ABL1: variants seen among roughly 807,000 people sequenced by gnomAD.
ABL1 encodes the protein tyrosine-protein kinase ABL1.
In ABL1, 11 loss-of-function variants were observed where a neutral mutation model predicts 94.7. The observed-to-expected ratio is 0.12, with a 90% CI of 0.07 to 0.19. The LOEUF is 0.19. ABL1 is among the 10% of genes least tolerant of loss of function. The pLI is 1.00. For synonymous variants in ABL1, 656 were observed against 622.4 expected, an observed-to-expected ratio of 1.05 and a Z score of -0.80; for missense variants, 1,082 against 1,489.4, an observed-to-expected ratio of 0.73 and a Z score of 4.50.
chr9:130,748,445 C>G (rs1361285372), intron 1 of ABL1, among the ~76,000 whole-genome samples: 1 of 151,914 alleles, frequency 6.6e-6, no homozygotes, highest in Admixed American at 6.6e-5. Flanking sequence ...CAGAGTCTCC[C>G]TCTGTCACCC....
intron 7 of ABL1, among the ~76,000 whole-genome samples, chr9:130,876,411 C>CTTTTTTTTTTTTTTT (rs60634610): frequency 7.0e-6 from 1 of 142,496 alleles, no homozygotes; most frequent in African/African-American, 2.6e-5. Context: ...ATTACTTTTT[C>CTTTTTTTTTTTTTTT]TTTTTTTTTT....
At chr9:130,719,165 G>T (rs1332256286) in intron 1 of ABL1, among the ~76,000 whole-genome samples, 1 of 152,046 alleles carries the variant, frequency 6.6e-6, no homozygotes, top group East Asian at 1.9e-4. Flanking sequence ...TCTCTTTTTG[G>T]TTTGTGTGAT....
intron 1 of ABL1, among the ~76,000 whole-genome samples, chr9:130,775,081 T>C (rs1195640506): frequency 6.6e-6 from 1 of 152,234 alleles, no homozygotes; most frequent in Non-Finnish European, 1.5e-5. Context: ...GACATTATTT[T>C]AGAGAGATAC....
intron 1 of ABL1, among the ~76,000 whole-genome samples, chr9:130,823,497 C>T (rs1318491084): frequency 2.0e-5 from 3 of 152,170 alleles, no homozygotes; most frequent in Non-Finnish European, 4.4e-5. Flanking sequence ...AACAGGCTGA[C>T]AGTCGCGGTC....
intron 1 of ABL1, among the ~76,000 whole-genome samples, chr9:130,766,827 G>T (rs1366959807): frequency 6.6e-5 from 10 of 152,146 alleles, no homozygotes; most frequent in Non-Finnish European, 1.3e-4. Flanking sequence ...TGCCATCTGG[G>T]TCTGTCCTCC....
chr9:130,776,216 A>G (rs1159248296), intron 1 of ABL1, among the ~76,000 whole-genome samples: 1 of 152,254 alleles, frequency 6.6e-6, no homozygotes, highest in Non-Finnish European at 1.5e-5. Flanking sequence ...GCCTTGGGAT[A>G]ACAGAGCTAA....
At chr9:130,738,838 A>G (rs1831778116) in intron 1 of ABL1, among the ~76,000 whole-genome samples, 1 of 152,246 alleles carries the variant, frequency 6.6e-6, no homozygotes, top group Non-Finnish European at 1.5e-5. Context: ...TTTAGAGGAT[A>G]TAAGGAGAAA....
At chr9:130,713,810 A>G (rs1831402146) in exon 1 of ABL1, 1 of 215,784 alleles carries the variant, frequency 4.6e-6, no homozygotes, top group Non-Finnish European at 9.3e-6. Context: ...TCCGGAGAGC[A>G]AAGCAGAGAA....
intron 1 of ABL1, among the ~76,000 whole-genome samples, chr9:130,775,001 C>T (rs887620915): frequency 2.6e-5 from 4 of 152,172 alleles, no homozygotes; most frequent in African/African-American, 9.7e-5. Context: ...AACTTTTATT[C>T]TAAGCATGCC....
intron 1 of ABL1, among the ~76,000 whole-genome samples, chr9:130,853,694 C>T (rs1224336416): frequency 1.3e-5 from 2 of 151,868 alleles, no homozygotes; most frequent in African/African-American, 2.4e-5. Flanking sequence ...GGATTACGGG[C>T]GTGAGCCACC....
At chr9:130,836,105 A>AC (rs545104219) in intron 1 of ABL1, among the ~76,000 whole-genome samples, 1 of 151,510 alleles carries the variant, frequency 6.6e-6, no homozygotes, top group Non-Finnish European at 1.5e-5. Context: ...CATCTCCCCC[A>AC]CCCCCATCTT....
At chr9:130,732,472 C>T (rs1223761815) in intron 1 of ABL1, among the ~76,000 whole-genome samples, 3 of 152,138 alleles carry the variant, frequency 2.0e-5, no homozygotes, top group African/African-American at 7.2e-5. Flanking sequence ...GCTTGCTTTT[C>T]ATCTTTTTTA....
chr9:130,883,924 C>T, intron 10 of ABL1, 45 bp from the exon 11 acceptor site: 5 of 1,564,476 alleles, frequency 3.2e-6, no homozygotes, highest in Non-Finnish European at 4.3e-6. Flanking sequence ...CTCTGTCAGC[C>T]TCTAGAGTTG....
intron 1 of ABL1, among the ~76,000 whole-genome samples, chr9:130,782,450 T>C (rs150170430): frequency 6.6e-6 from 1 of 152,210 alleles, no homozygotes; most frequent in Non-Finnish European, 1.5e-5. Context: ...CTGACCCAAG[T>C]TTGAAGAGAC....
intron 1 of ABL1, among the ~76,000 whole-genome samples, chr9:130,844,225 A>G (rs1830722604): frequency 6.6e-6 from 1 of 152,128 alleles, no homozygotes; most frequent in Non-Finnish European, 1.5e-5. Context: ...TAGGGAGTGG[A>G]GGTGGAATGG....
rs1340944274 is a variant in ABL1, at chr9:130,863,135, C to CCCCT, written c.822+101_822+102insCCTC. ...TGGAAGTCTACCTCCTGCCTGCTGT[C>CCCCT]CGAGGGCTTCATTGGCGCCACGGAA... On this transcript the variant is annotated intron_variant, in intron 4 of 10. Transcript: ENST00000318560. This position sits in a 1 kb window ranked among gnomAD's most constrained non-coding sequence, Gnocchi z 4.3. 6 of 1,364,814 alleles carry CCCCT rather than the reference C, an allele frequency of 4.4e-6. No homozygotes were observed. The highest frequency in any genetic ancestry group is 1.5e-5 in the African/African-American group (1 of 68,298). 84.5% of individuals were successfully genotyped at this position (1,364,814 alleles called of 1,614,324 possible).
chr9:130,781,851 A>T (rs964370882), intron 1 of ABL1, among the ~76,000 whole-genome samples: 7 of 151,850 alleles, frequency 4.6e-5, no homozygotes, highest in Non-Finnish European at 7.4e-5. Context: ...GAAGAGGAGG[A>T]GGTAATATAG....
chr9:130,734,425 C>T (rs548483681), intron 1 of ABL1, among the ~76,000 whole-genome samples: 1 of 151,324 alleles, frequency 6.6e-6, no homozygotes, highest in South Asian at 2.1e-4. Context: ...CCGTGTTAGC[C>T]AGGATGGTCT....
chr9:130,810,469 CT>C (rs763317549), intron 1 of ABL1, among the ~76,000 whole-genome samples: 1 of 152,100 alleles, frequency 6.6e-6, no homozygotes, highest in Non-Finnish European at 1.5e-5. Context: ...GCACTCCAAC[CT>C]GGGCGAGAGA....
Sources: gnomAD v4.1 joint callset for allele counts (sites outside exome capture counted in the v4.1 genomes callset) on GRCh38, gnomAD v4.1.1 for gene constraint, Gnocchi (gnomAD v3.1) non-coding constraint, MANE v1.5 for transcripts, NCBI Gene and HGNC (gene_info 2026-07-23, HGNC 2026-07-21) for gene names.